The following RNF14 variants were observed in gnomAD, a reference collection of about 807,000 sequenced individuals.
RNF14 encodes E3 ubiquitin-protein ligase RNF14.
RNF14 carries 26 observed loss-of-function variants against 52.6 expected under a neutral mutation model. That is an observed-to-expected ratio of 0.49 (90% CI 0.36 to 0.69). The LOEUF is 0.69. RNF14 is among the 30% of genes least tolerant of loss of function. The pLI, the probability that RNF14 is intolerant of heterozygous loss-of-function variation, is 0.00. For missense variants in RNF14, 404 were observed against 560.4 expected (o/e 0.72, Z 2.82); for synonymous variants, 194 against 202.0 (o/e 0.96, Z 0.34).
chr5:141,980,176 C>G lies in RNF14; in HGVS notation c.888C>G (p.Leu296=), dbSNP rs1754641267. 6.2e-7 allele frequency: 1 copy of G among 1,614,254 alleles called. No individual in the cohort carries two copies. The highest frequency in any genetic ancestry group is 8.5e-7 in the Non-Finnish European group (1 of 1,180,050). Residue 296 remains leucine (L), a synonymous_variant, in exon 6 of 9, where the codon CTC becomes CTG. Transcript: ENST00000394520. ...TTGCCCGTTATGACCGCCTTCTCCT[C>G]CAGTCCTCCTTGGACCTGATGGCAG... is the stretch of plus-strand genomic sequence containing the variant. The part of the protein sequence containing the change: ...ELFARYDRLL[L]QSSLDLMADV...
upstream of RNF14, chr5:141,957,253 T>A: frequency 1.2e-6 from 2 of 1,614,178 alleles, no homozygotes; most frequent in Non-Finnish European, 8.5e-7. The surrounding 1 kb of genome is among the most constrained non-coding windows in gnomAD (Gnocchi z 4.3). Context: ...GTCCAGCTCC[T>A]TCACCACTAT....
intron 8 of RNF14, among the ~76,000 whole-genome samples, chr5:141,987,227 C>G (rs1176025922): frequency 6.6e-6 from 1 of 152,116 alleles, no homozygotes; most frequent in Non-Finnish European, 1.5e-5. Context: ...CCATCATGGC[C>G]GGGAACTGTT....
chr5:141,975,395 T>G (rs1754154085), intron 4 of RNF14, among the ~76,000 whole-genome samples: 1 of 152,198 alleles, frequency 6.6e-6, no homozygotes, highest in South Asian at 2.1e-4. Context: ...ATTTTCTGAG[T>G]GAATACAATA....
At chr5:141,984,737 T>A (rs955300205) in intron 7 of RNF14, 66 bp from the exon 8 acceptor site, 1 of 1,485,188 alleles carries the variant, frequency 6.7e-7, no homozygotes, top group East Asian at 2.3e-5. Context: ...CTGAATCATT[T>A]TGGCATGTGC....
the RNF14 span, chr5:141,951,478 C>T: frequency 6.2e-7 from 1 of 1,606,538 alleles, no homozygotes; most frequent in Non-Finnish European, 8.5e-7. Context: ...CCTGTGGGGG[C>T]TACGTGCTGC....
In RNF14 at chr5:141,971,570, TCTTTCTTTCTTTCTTTCTTTC is replaced by T. The variant is rs1561544527; in HGVS notation, c.-7+694_-7+714del. ...TAATTGTAGCTAATTTCTTTTTCTT[TCTTTCTTTCTTTCTTTCTTTC>T]TTTCTTTCTTTCTTTCTTTCCTTTC... On this transcript the variant is annotated intron_variant, in intron 2 of 8. Transcript: ENST00000394520. 8.0e-3 allele frequency among the ~76,000 whole-genome samples: 1,102 copies of T among 137,880 alleles called. 27 individuals are homozygous for T. The highest frequency in any genetic ancestry group is 0.027 in the African/African-American group (984 of 36,656). The allele number at this position is 137,880 out of a possible 152,430, so 90.5% of individuals were successfully genotyped here. A position where few individuals can be genotyped will look rare whatever the true frequency, so the allele number is the denominator to read the frequency against.
chr5:141,956,399 G>A (rs143358373), upstream of RNF14: 433 of 1,614,236 alleles, frequency 2.7e-4, no homozygotes, highest in Middle Eastern at 3.3e-4. Flanking sequence ...TCTGCATCAT[G>A]AGCCTTGATG....
intron 5 of RNF14, 152 bp downstream of exon 5, chr5:141,978,982 G>A: frequency 5.1e-6 from 4 of 784,292 alleles, no homozygotes; most frequent in Non-Finnish European, 8.0e-6. Context: ...AAAATGCTAT[G>A]GTCTTAGTCT....
the RNF14 span, chr5:141,951,401 T>A: frequency 2.1e-6 from 2 of 947,046 alleles, no homozygotes; most frequent in Non-Finnish European, 3.4e-6. Flanking sequence ...GTGTCTGACT[T>A]GTGCTCACCC....
intron 6 of RNF14, 78 bp downstream of exon 6, chr5:141,980,429 C>A: frequency 9.9e-7 from 1 of 1,009,124 alleles, no homozygotes; most frequent in Non-Finnish European, 1.5e-6. Flanking sequence ...GGCCTTATGA[C>A]TTCATTCTTC....
intron 6 of RNF14, among the ~76,000 whole-genome samples, chr5:141,981,418 T>G (rs538009874): frequency 1.1e-3 from 171 of 152,256 alleles, no homozygotes; most frequent in African/African-American, 3.9e-3. Flanking sequence ...GAGACTAGCT[T>G]GGGCAACGTA....
chr5:141,955,014 C>A (rs759067548), upstream of RNF14: 3 of 1,614,030 alleles, frequency 1.9e-6, no homozygotes, highest in African/African-American at 2.7e-5. The surrounding 1 kb of genome is among the most constrained non-coding windows in gnomAD (Gnocchi z 5.5). Context: ...CCACGGGGTT[C>A]CGCTCGGCGA....
upstream of RNF14, chr5:141,957,614 C>G: frequency 6.2e-7 from 1 of 1,614,192 alleles, no homozygotes; most frequent in Non-Finnish European, 8.5e-7. The surrounding 1 kb of genome is among the most constrained non-coding windows in gnomAD (Gnocchi z 4.3). Flanking sequence ...TCCTCAGAGT[C>G]CACCTGAATG....
upstream of RNF14, among the ~76,000 whole-genome samples, chr5:141,963,804 C>G (rs1360766638): frequency 1.3e-5 from 2 of 152,162 alleles, no homozygotes; most frequent in African/African-American, 4.8e-5. Flanking sequence ...TTCAGAAAGG[C>G]TCTTGCAGGA....
At chr5:141,987,523 C>T (rs559238958) in intron 8 of RNF14, among the ~76,000 whole-genome samples, 1 of 152,238 alleles carries the variant, frequency 6.6e-6, no homozygotes, top group African/African-American at 2.4e-5. Flanking sequence ...TGGACAAGTA[C>T]TCATCCACCT....
chr5:141,981,345 G>T (rs1434252768), intron 6 of RNF14, among the ~76,000 whole-genome samples: 1 of 151,970 alleles, frequency 6.6e-6, no homozygotes, highest in Admixed American at 6.6e-5. Flanking sequence ...GACTGTGGTG[G>T]TGCACACCTG....
At chr5:141,986,900 A>G (rs189725621) in intron 8 of RNF14, among the ~76,000 whole-genome samples, 1 of 152,242 alleles carries the variant, frequency 6.6e-6, no homozygotes, top group African/African-American at 2.4e-5. Context: ...ACCCATGTTC[A>G]AAAAATGGTG....
chr5:141,977,906 G>C (rs1360711351), intron 4 of RNF14, among the ~76,000 whole-genome samples: 1 of 152,194 alleles, frequency 6.6e-6, no homozygotes, highest in East Asian at 1.9e-4. Flanking sequence ...CCTAATGGAA[G>C]AAAAATAGTT....
At chr5:141,982,257 C>T (rs1377852658) in intron 6 of RNF14, among the ~76,000 whole-genome samples, 1 of 152,048 alleles carries the variant, frequency 6.6e-6, no homozygotes, top group South Asian at 2.1e-4. Flanking sequence ...AGCAATATAA[C>T]CTTTGTCCTT....
Sources: gnomAD v4.1 joint callset for allele counts (sites outside exome capture counted in the v4.1 genomes callset) on GRCh38, gnomAD v4.1.1 for gene constraint, Gnocchi (gnomAD v3.1) non-coding constraint, MANE v1.5 for transcripts, NCBI Gene and HGNC (gene_info 2026-07-23, HGNC 2026-07-21) for gene names.